The following CCDC88A variants were observed in gnomAD, a reference collection of about 807,000 sequenced individuals.
CCDC88A encodes girdin.
A neutral mutation model predicts 234.3 loss-of-function variants in CCDC88A; 54 were observed. The observed-to-expected ratio is 0.23, with a 90% CI of 0.19 to 0.29. CCDC88A has a LOEUF of 0.29. Among genes scored for constraint, CCDC88A ranks in the 10% least tolerant of loss-of-function variants. The pLI is 1.00. For synonymous variants in CCDC88A, 753 were observed against 737.8 expected (o/e 1.02, Z -0.33); for missense variants, 1,832 against 2,123.4 (o/e 0.86, Z 2.70).
At chr2:55,407,029 AAAGT>A (rs1437176527) in intron 2 of CCDC88A, among the ~76,000 whole-genome samples, 3 of 152,106 alleles carry the variant, frequency 2.0e-5, no homozygotes, top group Non-Finnish European at 4.4e-5. Flanking sequence ...CCTGGGAAAC[AAAGT>A]AAGACCCCAT....
At chr2:55,409,691 C>G (rs1033194485) in intron 2 of CCDC88A, among the ~76,000 whole-genome samples, 3 of 149,888 alleles carry the variant, frequency 2.0e-5, no homozygotes, top group Non-Finnish European at 4.4e-5. Context: ...CATGCTTCCA[C>G]TGGGAGAGGA....
chr2:55,391,070 T>G (rs542924980), intron 2 of CCDC88A, among the ~76,000 whole-genome samples: 1 of 152,238 alleles, frequency 6.6e-6, no homozygotes, highest in East Asian at 1.9e-4. Context: ...AAAGATCAAA[T>G]ACAAGAAAGC....
chr2:55,302,328 G>C (rs1378188342), intron 26 of CCDC88A, among the ~76,000 whole-genome samples: 1 of 152,132 alleles, frequency 6.6e-6, no homozygotes, highest in Non-Finnish European at 1.5e-5. Context: ...ATTTTACTAA[G>C]TACGACTGCC....
At chr2:55,370,527 G>A (rs1168417674) in intron 5 of CCDC88A, among the ~76,000 whole-genome samples, 1 of 150,748 alleles carries the variant, frequency 6.6e-6, no homozygotes, top group Non-Finnish European at 1.5e-5. Context: ...TATCATCCCA[G>A]CTACTTGGTA....
At chr2:55,327,547 T>C (rs774300988) in intron 17 of CCDC88A, among the ~76,000 whole-genome samples, 3 of 152,202 alleles carry the variant, frequency 2.0e-5, no homozygotes, top group Admixed American at 6.5e-5. Context: ...GACACTGCCC[T>C]GCTATCTATT....
Position 55,311,056 on chromosome 2 carries a change from A to G in CCDC88A, c.4079+1378T>C, listed in dbSNP as rs1241324030. Among the ~76,000 whole-genome samples, 2 of 152,200 alleles carry G rather than the reference A, an allele frequency of 1.3e-5. 1 individual carries two copies. The highest frequency in any genetic ancestry group is 4.8e-5 in the African/African-American group (2 of 41,458). Reference sequence around the variant, plus strand: ...CAACTATCTAGATACAAGCACTTTCACCTGGAAATGTATTAGTCACCAAGG... The same window carrying G: ...CAACTATCTAGATACAAGCACTTTCGCCTGGAAATGTATTAGTCACCAAGG... On this transcript the variant is annotated intron_variant, in intron 23 of 32. Coordinates refer to ENST00000436346, the MANE Select transcript of CCDC88A (RefSeq NM_001365480.1).
chr2:55,319,130 A>G (rs1300823504), intron 18 of CCDC88A, 126 bp from the exon 19 acceptor site: 8 of 727,944 alleles, frequency 1.1e-5, no homozygotes, highest in African/African-American at 1.1e-4. Flanking sequence ...AGCCCCAACA[A>G]TCTTAAAAGA....
chr2:55,374,716 C>A, intron 4 of CCDC88A, 98 bp downstream of exon 4: 1 of 637,552 alleles, frequency 1.6e-6, no homozygotes. Context: ...TGTGAAAAAT[C>A]TAGTGAGTTA....
rs923328946 is a variant in CCDC88A at position 55,390,662 on chromosome 2, T to C, written c.165-1776A>G. On this transcript the variant is annotated intron_variant, in intron 2 of 32. Transcript: ENST00000436346. ...TAATGCAAAGCTAGGTTCTCTCTAGTAAGGCACTGAGGTGCTTTCCAGAAT... is the reference window on the plus strand; with the variant it reads ...TAATGCAAAGCTAGGTTCTCTCTAGCAAGGCACTGAGGTGCTTTCCAGAAT... Among the ~76,000 whole-genome samples the C allele has an allele frequency of 4.6e-5, 7 of 152,350 alleles. No homozygotes were observed. The South Asian group carries it at 1.4e-3, about 32-fold the overall frequency.
chr2:55,297,381 A>AT (rs1553385830), intron 29 of CCDC88A, among the ~76,000 whole-genome samples: 3 of 96,872 alleles, frequency 3.1e-5, no homozygotes, highest in Admixed American at 1.6e-4. Flanking sequence ...TATTATATAT[A>AT]AATATATATT....
chr2:55,311,065 T>C (rs773669027), intron 23 of CCDC88A, among the ~76,000 whole-genome samples: 7 of 152,200 alleles, frequency 4.6e-5, no homozygotes, highest in Non-Finnish European at 7.3e-5. Context: ...CACCTGGAAA[T>C]GTATTAGTCA....
At chr2:55,291,491 C>T (rs896146977) in intron 32 of CCDC88A, 185 bp downstream of exon 32, 10 of 380,046 alleles carry the variant, frequency 2.6e-5, no homozygotes, top group Admixed American at 9.0e-5. Context: ...TTGTTCCTTG[C>T]GCTGACAGGT....
Position 55,300,900 on chromosome 2 carries a change from A to G in CCDC88A, c.4744+306T>C, listed in dbSNP as rs145944997. The G allele has an allele frequency of 3.8e-5, 9 of 238,610 alleles. No individual in the cohort carries two copies. In the East Asian group the frequency reaches 6.5e-4, roughly 17 times the overall value. The allele number at this position is 238,610 out of a possible 1,614,324, so 14.8% of individuals were successfully genotyped here. On this transcript the variant is annotated intron_variant, in intron 28 of 32. Transcript: ENST00000436346. ...TATTTTAAATTGGCATTTTAAACCA[A>G]TGGTAAAATGCAACTCTTATAACTT...
At chr2:55,299,273 A>G (rs1006820743) in intron 29 of CCDC88A, among the ~76,000 whole-genome samples, 6 of 152,242 alleles carry the variant, frequency 3.9e-5, no homozygotes, top group African/African-American at 1.4e-4. Flanking sequence ...GTATCAGTCA[A>G]GGTTTCCAGA....
intron 13 of CCDC88A, 157 bp from the exon 14 acceptor site, chr2:55,336,975 T>C (rs1026040128): frequency 8.5e-5 from 44 of 517,596 alleles, no homozygotes; most frequent in African/African-American, 8.0e-4. Context: ...TAGCATTCCA[T>C]GCTAATTTCT....
chr2:55,355,962 T>C (rs963889583), intron 7 of CCDC88A: 6 of 375,274 alleles, frequency 1.6e-5, no homozygotes, highest in African/African-American at 1.0e-4. Context: ...AACAAGATAA[T>C]AATGCTTTTC....
chr2:55,351,606 A>G (rs1406097478), intron 8 of CCDC88A, among the ~76,000 whole-genome samples: 4 of 152,206 alleles, frequency 2.6e-5, no homozygotes, highest in Admixed American at 6.5e-5. Flanking sequence ...TCAGCCTCCC[A>G]AAGTGCTGGA....
At chr2:55,394,940 G>A (rs1395860289) in intron 2 of CCDC88A, among the ~76,000 whole-genome samples, 1 of 151,982 alleles carries the variant, frequency 6.6e-6, no homozygotes, top group African/African-American at 2.4e-5. Flanking sequence ...CCACCTTCTG[G>A]GTTCAAGTGA....
At chr2:55,327,712 C>T (rs909576535) in intron 17 of CCDC88A, among the ~76,000 whole-genome samples, 2 of 152,212 alleles carry the variant, frequency 1.3e-5, no homozygotes, top group African/African-American at 4.8e-5. Context: ...TACCAATCTA[C>T]CATCTACTAG....
Sources: allele counts gnomAD v4.1 joint callset (sites outside exome capture counted in the v4.1 genomes callset), GRCh38; gene constraint gnomAD v4.1.1; transcripts MANE v1.5; gene names NCBI Gene and HGNC (gene_info 2026-07-23, HGNC 2026-07-21).